Variants in MPZL1 observed in about 807,000 individuals in gnomAD.
The protein encoded by MPZL1 is myelin protein zero like 1.
In MPZL1, 16 loss-of-function variants were observed where a neutral mutation model predicts 29.3. That is an observed-to-expected ratio of 0.55 (90% confidence interval 0.37 to 0.83). The LOEUF (loss-of-function observed/expected upper bound fraction) is 0.83. Among genes scored for constraint, MPZL1 ranks in the 40% least tolerant of loss-of-function variants. The probability of loss-of-function intolerance (pLI) is 0.00; values close to 1 mark genes in which losing one functional copy is unlikely to be tolerated. For missense variants in MPZL1, 279 were observed against 332.9 expected (o/e 0.84, Z 1.26); for synonymous variants, 143 against 132.0 (o/e 1.08, Z -0.57).
Position 167,791,189 on chromosome 1 carries a change from T to C in MPZL1, c.*3268T>C, listed in dbSNP as rs1452590474. The C allele has an allele frequency of 6.6e-6, 1 of 152,184 alleles. No homozygotes were observed. The allele number at this position is 152,184 out of a possible 1,614,324, so 9.4% of individuals were successfully genotyped here. A position where few individuals can be genotyped will look rare whatever the true frequency, so the allele number is the denominator to read the frequency against. On this transcript the variant is annotated 3_prime_UTR_variant, in exon 6 of 6. Coordinates refer to ENST00000359523, the MANE Select transcript of MPZL1 (RefSeq NM_003953.6). ...TTGTCTGTTCTCCCGCATTAGAACA[T>C]AGTTAACAAGAGACCAGAACCTTGC...
At chr1:167,731,434 CTTTTTTTTTTT>C (rs1255648939) in intron 1 of MPZL1, among the ~76,000 whole-genome samples, 5 of 121,604 alleles carry the variant, frequency 4.1e-5, no homozygotes, top group Admixed American at 8.3e-5. Context: ...AAAACTGTGT[CTTTTTTTTTTT>C]TTTTTTTTTG....
chr1:167,735,557 T>C (rs2101751798), intron 1 of MPZL1, among the ~76,000 whole-genome samples: 2 of 152,310 alleles, frequency 1.3e-5, no homozygotes, highest in South Asian at 4.1e-4. Context: ...TATCTATATC[T>C]TGCTGGCATA....
At chr1:167,756,429 ATTTTTTTT>A (rs11455159) in intron 1 of MPZL1, among the ~76,000 whole-genome samples, 17 of 94,634 alleles carry the variant, frequency 1.8e-4, no homozygotes, top group Admixed American at 8.3e-4. Flanking sequence ...GTCTGGCCAG[ATTTTTTTT>A]TTTTTTTTTT....
chr1:167,768,899 G>T (rs1661180095), intron 2 of MPZL1, among the ~76,000 whole-genome samples: 2 of 152,172 alleles, frequency 1.3e-5, no homozygotes, highest in African/African-American at 2.4e-5. Context: ...GCAGAGAGCA[G>T]GTGATGGAAG....
At chr1:167,760,773 G>GTC (rs1553255555) in intron 1 of MPZL1, among the ~76,000 whole-genome samples, 2 of 138,118 alleles carry the variant, frequency 1.4e-5, no homozygotes, top group African/African-American at 5.2e-5. Context: ...GTGTGTGTGT[G>GTC]TGTGTGTGTG....
rs368340902 is a variant in MPZL1 at position 167,740,016 on chromosome 1, T to C, written c.91+17774T>C. 1.4e-3 allele frequency among the ~76,000 whole-genome samples: 211 copies of C among 152,346 alleles called. 2 individuals carry two copies. Among genetic ancestry groups the C allele is most frequent in the Middle Eastern group, 3.4e-3 (1 of 294 alleles). On this transcript the variant is annotated intron_variant, in intron 1 of 5. Transcript: ENST00000359523. The stretch of plus-strand genomic sequence containing the variant: ...ACTTGGAGTCCATAGTTCATTGTTA[T>C]AATCATTCCTTTGTAAAGGCTCCTA...
In MPZL1 at chr1:167,772,461, C is replaced by T. The variant is rs1405932686; in HGVS notation, c.445C>T (p.His149Tyr). 6.2e-7 allele frequency: 1 copy of T among 1,613,952 alleles called. No homozygotes were observed. The highest frequency in any genetic ancestry group is 8.5e-7 in the Non-Finnish European group (1 of 1,179,934). The change falls in exon 3 of 6, where the codon CAC becomes TAC. Residue 149 changes from histidine to tyrosine, a missense_variant. Physicochemically the swap from His to Tyr is moderately conservative, Grantham distance 83 (BLOSUM62 2). Coordinates refer to ENST00000359523, the MANE Select transcript of MPZL1 (RefSeq NM_003953.6). Reference protein sequence around the residue: ...NPPDIVVQPGHIRLYVVEKEN... With the variant: ...NPPDIVVQPGYIRLYVVEKEN... ...TCCTGACATCGTTGTCCAGCCTGGA[C>T]ACATTAGGCTCTATGTCGTAGAAAA... is the stretch of plus-strand genomic sequence containing the variant.
chr1:167,777,894 A>C (rs1661405808), intron 5 of MPZL1, among the ~76,000 whole-genome samples: 1 of 152,250 alleles, frequency 6.6e-6, no homozygotes, highest in African/African-American at 2.4e-5. Context: ...AAAGCTTAAA[A>C]GGAAGCCTTT....
intron 1 of MPZL1, among the ~76,000 whole-genome samples, chr1:167,725,730 C>A (rs1660132161): frequency 6.6e-6 from 1 of 152,186 alleles, no homozygotes; most frequent in Non-Finnish European, 1.5e-5. Flanking sequence ...GGTGATCCAC[C>A]CGCCTTGGCC....
rs1661653685 is a variant in MPZL1, at chr1:167,789,096, C to G, written c.*1175C>G. On this transcript the variant is annotated 3_prime_UTR_variant, in exon 6 of 6. Coordinates refer to ENST00000359523, the MANE Select transcript of MPZL1 (RefSeq NM_003953.6). ...ATGGCTTTATAACAGCTTCATGGTG[C>G]CTCAAAGACTGTTGAGGTTAATGAG... The G allele has an allele frequency of 2.0e-5, 3 of 152,064 alleles. No homozygotes were observed. Among genetic ancestry groups the G allele is most frequent in the Admixed American group, 2.0e-4 (3 of 15,264 alleles). 9.4% of individuals were successfully genotyped at this position (152,064 alleles called of 1,614,324 possible).
chr1:167,781,948 T>A (rs916911363), intron 5 of MPZL1, among the ~76,000 whole-genome samples: 1 of 152,174 alleles, frequency 6.6e-6, no homozygotes, highest in Non-Finnish European at 1.5e-5. Flanking sequence ...ACAATCTCTT[T>A]GAATTTTTCC....
chr1:167,741,849 A>G (rs1439941698), intron 1 of MPZL1, among the ~76,000 whole-genome samples: 1 of 152,044 alleles, frequency 6.6e-6, no homozygotes, highest in African/African-American at 2.4e-5. Context: ...CCTGGGCAAC[A>G]TGGTGAAACC....
At position 167,776,167 on chromosome 1, in the gene MPZL1, G is replaced by C; in HGVS notation, c.708+1G>C. 6.2e-7 allele frequency: 1 copy of C among 1,608,428 alleles called. No homozygotes were observed. The highest frequency in any genetic ancestry group is 2.2e-5 in the East Asian group (1 of 44,676). On this transcript the variant is annotated splice_donor_variant, in intron 5 of 5. Coordinates refer to ENST00000359523, the MANE Select transcript of MPZL1 (RefSeq NM_003953.6). LOFTEE classifies it high-confidence loss of function. ...GAGTCTGCCTTCTGGATCTCACCAG[G>C]TAATGGCTGATTGCGATTCTGCCCA...
At chr1:167,723,041 C>A (rs973061536) in intron 1 of MPZL1, among the ~76,000 whole-genome samples, 3 of 152,178 alleles carry the variant, frequency 2.0e-5, no homozygotes, top group African/African-American at 7.2e-5. Flanking sequence ...ACCTCGGGCT[C>A]AATTTATGGG....
chr1:167,760,351 C>G (rs1471579305), intron 1 of MPZL1, among the ~76,000 whole-genome samples: 1 of 41,350 alleles, frequency 2.4e-5, no homozygotes, highest in Non-Finnish European at 3.7e-5. Flanking sequence ...TACAGGCGCC[C>G]GCCACCACAC....
intron 1 of MPZL1, among the ~76,000 whole-genome samples, chr1:167,734,963 G>A (rs1177194746): frequency 2.0e-5 from 3 of 152,208 alleles, no homozygotes; most frequent in African/African-American, 7.2e-5. Context: ...ACACCCTGCA[G>A]ACGTTGGGAA....
chr1:167,722,171 C>T lies in MPZL1; in HGVS notation c.20C>T (p.Ala7Val). The change falls in exon 1 of 6, where the codon GCC becomes GTC. Residue 7 changes from alanine to valine, a missense_variant. Ala to Val is a moderately conservative substitution (Grantham distance 64, BLOSUM62 0). Coordinates refer to ENST00000359523, the MANE Select transcript of MPZL1 (RefSeq NM_003953.6). Reference sequence around the variant, plus strand: ...TGGACGATGGCAGCGTCCGCCGGAGCCGGGGCGGTGATTGCAGCCCCAGAC... The same window carrying T: ...TGGACGATGGCAGCGTCCGCCGGAGTCGGGGCGGTGATTGCAGCCCCAGAC... MAASAG[A>V]GAVIAAPDSR... is the part of the protein sequence containing the mutation. 8.1e-7 allele frequency: 1 copy of T among 1,236,984 alleles called. No individual in the cohort carries two copies. Among genetic ancestry groups the T allele is most frequent in the Non-Finnish European group, 1.0e-6 (1 of 988,434 alleles). 76.6% of individuals were successfully genotyped at this position (1,236,984 alleles called of 1,614,324 possible). A position where few individuals can be genotyped will look rare whatever the true frequency, so the allele number is the denominator to read the frequency against.
At chr1:167,765,174 C>G (rs903440088) in intron 1 of MPZL1, 1 of 152,594 alleles carries the variant, frequency 6.6e-6, no homozygotes, top group East Asian at 1.9e-4. Flanking sequence ...ATTGGCTCAT[C>G]AATTAAAACA....
chr1:167,775,993 C>T, intron 4 of MPZL1, 71 bp from the exon 5 acceptor site: 1 of 1,067,244 alleles, frequency 9.4e-7, no homozygotes, highest in Non-Finnish European at 1.3e-6. Flanking sequence ...AGTTGCATTT[C>T]TATATTTTTG....
Sources: allele counts gnomAD v4.1 joint callset (sites outside exome capture counted in the v4.1 genomes callset), GRCh38; gene constraint gnomAD v4.1.1; transcripts MANE v1.5; gene names NCBI Gene and HGNC (gene_info 2026-07-23, HGNC 2026-07-21).